The following TRIM45 variants were observed in gnomAD, a reference collection of about 807,000 sequenced individuals.
TRIM45 encodes the protein tripartite motif containing 45.
TRIM45 carries 45 observed loss-of-function variants against 46.7 expected under a neutral mutation model. The observed-to-expected ratio is 0.96, with a 90% CI of 0.76 to 1.24. The LOEUF (loss-of-function observed/expected upper bound fraction) is 1.24. Among genes scored for constraint, TRIM45 ranks in the 50% most tolerant of loss-of-function variants. The probability of loss-of-function intolerance (pLI) is 0.00; values close to 1 mark genes in which losing one functional copy is unlikely to be tolerated. For missense variants in TRIM45, 680 were observed against 728.4 expected (o/e 0.93, Z 0.77); for synonymous variants, 259 against 285.8 (o/e 0.91, Z 0.94).
At chr1:117,112,988 C>T (rs1051430536) in intron 5 of TRIM45, among the ~76,000 whole-genome samples, 10 of 152,096 alleles carry the variant, frequency 6.6e-5, no homozygotes, top group Admixed American at 1.3e-4. Flanking sequence ...TTTAATCATC[C>T]ACTCCCCTAG....
chr1:117,121,450 G>C lies in TRIM45; in HGVS notation c.-249C>G. The C allele has an allele frequency of 1.9e-6, 1 of 524,404 alleles. No individual in the cohort carries two copies. The highest frequency in any genetic ancestry group is 3.3e-6 in the Non-Finnish European group (1 of 300,022). The allele number at this position is 524,404 out of a possible 1,614,324, so 32.5% of individuals were successfully genotyped here. A position where few individuals can be genotyped will look rare whatever the true frequency, so the allele number is the denominator to read the frequency against. ...ACCAGACACGCCCACGCCCTCCTCTGCCCCGCAAGTCCTCCCCGGATGCGC... is the reference window on the plus strand; with the variant it reads ...ACCAGACACGCCCACGCCCTCCTCTCCCCCGCAAGTCCTCCCCGGATGCGC... On this transcript the variant is annotated 5_prime_UTR_variant, in exon 1 of 6. Coordinates refer to ENST00000256649, the MANE Select transcript of TRIM45 (RefSeq NM_025188.4). This position sits in a 1 kb window ranked among gnomAD's most constrained non-coding sequence, Gnocchi z 4.2.
intron 4 of TRIM45, among the ~76,000 whole-genome samples, chr1:117,114,614 T>A (rs1650332025): frequency 6.6e-6 from 1 of 152,248 alleles, no homozygotes; most frequent in South Asian, 2.1e-4. Context: ...AAAAACAACT[T>A]GGCATTCAAA....
chr1:117,112,316 C>G lies in TRIM45; in HGVS notation c.1732G>C (p.Val578Leu), dbSNP rs764137091. 6.2e-7 allele frequency: 1 copy of G among 1,600,986 alleles called. No homozygotes were observed. The highest frequency in any genetic ancestry group is 2.3e-5 in the East Asian group (1 of 44,324). The change falls in exon 6 of 6, where the codon GTG becomes CTG. Residue 578 changes from valine (V) to leucine (L), a missense_variant. Val to Leu is a conservative substitution (Grantham distance 32). Around this residue, in one of 3 missense-constraint regions of TRIM45, gnomAD observed 322 missense variants for 359.3 expected, o/e 0.90. Transcript: ENST00000256649. ...TGAGCACAAACCCATCAGAGAGCCA[C>G]AGTCCTAAGTAGACTCCTCGGTGCG... Reference protein sequence around the residue: ...QSAPRSLLRTVAL With the variant: ...QSAPRSLLRTLAL
chr1:117,123,281 C>A (rs1282743640), upstream of TRIM45, among the ~76,000 whole-genome samples: 2 of 152,184 alleles, frequency 1.3e-5, no homozygotes, highest in Non-Finnish European at 2.9e-5. Flanking sequence ...GAGGAAGTCA[C>A]AAAAACTGTG....
Position 117,111,132 on chromosome 1 carries a change from A to G in TRIM45, c.*1173T>C, listed in dbSNP as rs1367914359. 6.6e-6 allele frequency: 1 copy of G among 152,208 alleles called. No homozygotes were observed. The highest frequency in any genetic ancestry group is 1.9e-4 in the East Asian group (1 of 5,198). The allele number at this position is 152,208 out of a possible 1,614,324, so 9.4% of individuals were successfully genotyped here. ...TTTCAGAAGAACACACAAAATATAT[A>G]CAGTGAAGACCTTGGCAGGGCTGAG... is the stretch of plus-strand genomic sequence containing the variant. On this transcript the variant is annotated 3_prime_UTR_variant, in exon 6 of 6. Transcript: ENST00000256649.
At chr1:117,123,850 C>G (rs928990623), upstream of TRIM45, among the ~76,000 whole-genome samples, 1 of 152,096 alleles carries the variant, frequency 6.6e-6, no homozygotes, top group Admixed American at 6.6e-5. Flanking sequence ...AGGCTCCTCT[C>G]GAACTCCTGA....
rs752556034 is a variant in TRIM45 at position 117,120,890 on chromosome 1, G to T, written c.312C>A (p.Pro104=). 5.0e-6 allele frequency: 8 copies of T among 1,614,074 alleles called. No individual in the cohort carries two copies. Among genetic ancestry groups the T allele is most frequent in the South Asian group, 2.2e-5 (2 of 91,080 alleles). The change falls in exon 1 of 6, where the codon CCC becomes CCA. Residue 104 remains proline (P), a synonymous_variant. Transcript: ENST00000256649. ...CPVCDAQVDL[P]MGGVKALTID... is the part of the protein sequence containing the mutation. ...TGGTTAAAGCCTTCACTCCACCCAT[G>T]GGCAGGTCCACCTGAGCATCACATA...
chr1:117,113,302 C>G lies in TRIM45; in HGVS notation c.1594+57G>C. On this transcript the variant is annotated intron_variant, in intron 5 of 5. Transcript: ENST00000256649. This position sits in a 1 kb window ranked among gnomAD's most constrained non-coding sequence, Gnocchi z 4.0. ...AGTGGCTGTGTGGTAGGGAAGGGCC[C>G]GTCGCTTGATTCCCACTGCTGGCAG... The G allele has an allele frequency of 1.3e-6, 2 of 1,595,054 alleles. No individual in the cohort carries two copies. Among genetic ancestry groups the G allele is most frequent in the Non-Finnish European group, 1.7e-6 (2 of 1,170,186 alleles).
Position 117,112,132 on chromosome 1 carries a change from C to T in TRIM45, c.*173G>A, listed in dbSNP as rs1172720388. On this transcript the variant is annotated 3_prime_UTR_variant, in exon 6 of 6. Transcript: ENST00000256649. ...TGTAGAGGTGGTTTTTTGTGCTCAACCATCCACAAGTACAATCAGTGAATA... is the reference window on the plus strand; with the variant it reads ...TGTAGAGGTGGTTTTTTGTGCTCAATCATCCACAAGTACAATCAGTGAATA... 1.3e-5 allele frequency: 9 copies of T among 670,072 alleles called. No individual in the cohort carries two copies. Among genetic ancestry groups the T allele is most frequent in the Non-Finnish European group, 1.7e-5 (8 of 457,142 alleles). 41.5% of individuals were successfully genotyped at this position (670,072 alleles called of 1,614,324 possible).
Position 117,120,827 on chromosome 1 carries a change from G to C in TRIM45, c.375C>G (p.Ser125Arg), listed in dbSNP as rs763404846. 1 of 1,614,084 alleles carries C rather than the reference G, an allele frequency of 6.2e-7. No homozygotes were observed. Among genetic ancestry groups the C allele is most frequent in the Admixed American group, 1.7e-5 (1 of 60,028 alleles). Residue 125 changes from serine to arginine, a missense_variant, in exon 1 of 6, where the codon AGC (serine) becomes AGG (arginine). Physicochemically the swap from Ser to Arg is moderately radical, Grantham distance 110 (BLOSUM62 -1). Transcript: ENST00000256649. ...CCAGGCCCTGGCCTTCCCCACGTAGGCTCTCCAGCATCACATCATTCACGG... is the reference window on the plus strand; with the variant it reads ...CCAGGCCCTGGCCTTCCCCACGTAGCCTCTCCAGCATCACATCATTCACGG... ...HLAVNDVMLE[S>R]LRGEGQGLVC... is the part of the protein sequence containing the mutation.
At position 117,120,710 on chromosome 1, in the gene TRIM45, TTACC is replaced by T; in HGVS notation, c.488_488+3del. On this transcript the variant is annotated splice_donor_variant and splice_donor_region_variant and coding_sequence_variant and intron_variant, in exon 1 of 6. Transcript: ENST00000256649. LOFTEE classifies it high-confidence loss of function. ...CTACACCTGATGGAGTGTCCCATCTTTACCTATGAGCCTGGCAGCAGAAGTGGCA... is the reference window on the plus strand; with the variant it reads ...CTACACCTGATGGAGTGTCCCATCTTTATGAGCCTGGCAGCAGAAGTGGCA... 3.1e-6 allele frequency: 5 copies of T among 1,598,114 alleles called. No individual in the cohort carries two copies. The highest frequency in any genetic ancestry group is 4.3e-6 in the Non-Finnish European group (5 of 1,171,164).
In TRIM45 at chr1:117,118,139, GTATCT is replaced by G; in HGVS notation, c.1112_1116del (p.Lys371ThrfsTer15). On this transcript the variant is annotated frameshift_variant, in exon 2 of 6. Transcript: ENST00000256649. LOFTEE classifies it high-confidence loss of function. This position sits in a 1 kb window ranked among gnomAD's most constrained non-coding sequence, Gnocchi z 5.7. ...CCTGCTTTCTCCTGAGGACAGAAGC[GTATCT>G]TATCATTTACTCCAGGACGGGTGCT... is the stretch of plus-strand genomic sequence containing the variant. 1 of 1,614,196 alleles carries G rather than the reference GTATCT, an allele frequency of 6.2e-7. No homozygotes were observed. Among genetic ancestry groups the G allele is most frequent in the Non-Finnish European group, 8.5e-7 (1 of 1,180,036 alleles).
At chr1:117,121,910 G>A, upstream of TRIM45, 1 of 707,080 alleles carries the variant, frequency 1.4e-6, no homozygotes, top group Non-Finnish European at 2.6e-6. This position sits in a 1 kb window ranked among gnomAD's most constrained non-coding sequence, Gnocchi z 4.2. Context: ...CCACTCACGC[G>A]GGGGGCGGGA....
rs1269335936 is a variant in TRIM45, at chr1:117,118,806, T to C, written c.489-39A>G. ...GAATCAGTAACAGGAAATAAGGGGA[T>C]AATTCTGTTGGGAATAGTTGGGCAG... On this transcript the variant is annotated intron_variant, in intron 1 of 5. Transcript: ENST00000256649. This position sits in a 1 kb window ranked among gnomAD's most constrained non-coding sequence, Gnocchi z 5.7. 6.3e-7 allele frequency: 1 copy of C among 1,583,414 alleles called. No individual in the cohort carries two copies. The highest frequency in any genetic ancestry group is 1.7e-5 in the Admixed American group (1 of 57,268).
rs569662492 is a variant in TRIM45 at position 117,115,848 on chromosome 1, A to G, written c.1353-159T>C. Among the ~76,000 whole-genome samples, 1 of 152,234 alleles carries G rather than the reference A, an allele frequency of 6.6e-6. No homozygotes were observed. Among genetic ancestry groups the G allele is most frequent in the Non-Finnish European group, 1.5e-5 (1 of 68,036 alleles). On this transcript the variant is annotated intron_variant, in intron 3 of 5. Coordinates refer to ENST00000256649, the MANE Select transcript of TRIM45 (RefSeq NM_025188.4). This position sits in a 1 kb window ranked among gnomAD's most constrained non-coding sequence, Gnocchi z 4.2. The stretch of plus-strand genomic sequence containing the variant: ...ATTTGCTTCAGAAGTTAATTTTACA[A>G]CAGAAGGTAAACAGCATAAATTCCA...
chr1:117,120,166 G>T (rs564009317), intron 1 of TRIM45, among the ~76,000 whole-genome samples: 1 of 152,122 alleles, frequency 6.6e-6, no homozygotes, highest in Non-Finnish European at 1.5e-5. Flanking sequence ...GCTGAGGTCC[G>T]GCCAATCATC....
At position 117,118,816 on chromosome 1, in the gene TRIM45, G is replaced by A. The variant is rs1258797728; in HGVS notation, c.489-49C>T. ...CAGGAAATAAGGGGATAATTCTGTT[G>A]GGAATAGTTGGGCAGAGAGATTTTA... On this transcript the variant is annotated intron_variant, in intron 1 of 5. Coordinates refer to ENST00000256649, the MANE Select transcript of TRIM45 (RefSeq NM_025188.4). This position sits in a 1 kb window ranked among gnomAD's most constrained non-coding sequence, Gnocchi z 5.7. 1 of 1,560,292 alleles carries A rather than the reference G, an allele frequency of 6.4e-7. No homozygotes were observed. The highest frequency in any genetic ancestry group is 1.9e-5 in the Admixed American group (1 of 53,838).
rs1288146973 is a variant in TRIM45 at position 117,116,839 on chromosome 1, C to T, written c.1223-94G>A. On this transcript the variant is annotated intron_variant, in intron 2 of 5. Transcript: ENST00000256649. This position sits in a 1 kb window ranked among gnomAD's most constrained non-coding sequence, Gnocchi z 4.6. The stretch of plus-strand genomic sequence containing the variant: ...TTTCTCTTCAGAACAAAGGGTTGTA[C>T]TTTACTGTAACCACCCTGGGTCCCT... 9.0e-6 allele frequency: 14 copies of T among 1,549,422 alleles called. No homozygotes were observed. The highest frequency in any genetic ancestry group is 1.2e-5 in the Non-Finnish European group (14 of 1,137,874).
intron 1 of TRIM45, among the ~76,000 whole-genome samples, chr1:117,120,326 G>A (rs1650571070): frequency 6.6e-6 from 1 of 152,142 alleles, no homozygotes; most frequent in African/African-American, 2.4e-5. Flanking sequence ...TAATAAATGG[G>A]GGCGAAAACA....
Sources: gnomAD v4.1 joint callset for allele counts (sites outside exome capture counted in the v4.1 genomes callset) on GRCh38, gnomAD v4.1.1 for gene constraint, gnomAD v4.1.1 regional missense constraint, Gnocchi (gnomAD v3.1) non-coding constraint, MANE v1.5 for transcripts, NCBI Gene and HGNC (gene_info 2026-07-23, HGNC 2026-07-21) for gene names.